FANCC: variants seen among roughly 807,000 people sequenced by gnomAD.
FANCC encodes the protein Fanconi anemia group C protein.
A neutral mutation model predicts 71.3 loss-of-function variants in FANCC; 55 were observed. The ratio of observed to expected loss-of-function variants is 0.77; its 90% CI spans 0.62 to 0.97. The LOEUF (loss-of-function observed/expected upper bound fraction) is 0.97, where lower values mean the gene tolerates loss of function less well. Among genes scored for constraint, FANCC ranks in the 50% least tolerant of loss-of-function variants. FANCC has a pLI of 0.00. For missense variants in FANCC, 678 were observed against 670.9 expected, an observed-to-expected ratio of 1.01 and a Z score of -0.12; for synonymous variants, 275 against 244.9, an observed-to-expected ratio of 1.12 and a Z score of -1.15.
chr9:95,112,389 C>A (rs1690434541), intron 12 of FANCC, among the ~76,000 whole-genome samples: 1 of 152,162 alleles, frequency 6.6e-6, no homozygotes, highest in South Asian at 2.1e-4. Context: ...CCTGCATGTT[C>A]CTCTGCCTGG....
chr9:95,110,919 GACCAA>G, intron 13 of FANCC: 1 of 1,317,718 alleles, frequency 7.6e-7, no homozygotes. Context: ...TTTAGGAAAT[GACCAA>G]CTTCTTTTTC....
chr9:95,171,815 A>G (rs957243944), intron 5 of FANCC, among the ~76,000 whole-genome samples: 1 of 152,202 alleles, frequency 6.6e-6, no homozygotes, highest in Non-Finnish European at 1.5e-5. Context: ...AGAGAGGCTG[A>G]TTGGTTGGTT....
intron 1 of FANCC, among the ~76,000 whole-genome samples, chr9:95,253,523 C>G (rs1296973437): frequency 6.6e-6 from 1 of 152,208 alleles, no homozygotes. Flanking sequence ...GTTGAATGTT[C>G]TGCTCCTCTA....
intron 1 of FANCC, among the ~76,000 whole-genome samples, chr9:95,278,412 AAAC>A (rs1266504355): frequency 1.1e-4 from 16 of 152,214 alleles, no homozygotes; most frequent in Non-Finnish European, 1.5e-5. Context: ...ACTACTGATA[AAAC>A]AACTAGAAAA....
chr9:95,251,865 T>C (rs1037469385), intron 1 of FANCC, among the ~76,000 whole-genome samples: 8 of 152,180 alleles, frequency 5.3e-5, no homozygotes, highest in Non-Finnish European at 8.8e-5. Context: ...AGAGATTACA[T>C]AATTGCCCAA....
intron 8 of FANCC, among the ~76,000 whole-genome samples, chr9:95,129,206 C>T (rs189230225): frequency 1.3e-5 from 2 of 152,242 alleles, no homozygotes; most frequent in Admixed American, 1.3e-4. Flanking sequence ...TCATCTGCAC[C>T]CCTCACCGAT....
At chr9:95,297,979 CA>C (rs1348982726) in intron 1 of FANCC, among the ~76,000 whole-genome samples, 5 of 152,144 alleles carry the variant, frequency 3.3e-5, no homozygotes, top group Non-Finnish European at 7.3e-5. Context: ...ATTCTAAGAG[CA>C]AAGGTAAGTC....
intron 4 of FANCC, among the ~76,000 whole-genome samples, chr9:95,224,744 G>A (rs1829509835): frequency 6.6e-6 from 1 of 152,160 alleles, no homozygotes; most frequent in Non-Finnish European, 1.5e-5. Flanking sequence ...ATGAGGGTAA[G>A]TAATTTGTAA....
chr9:95,277,382 C>T (rs1833105742), intron 1 of FANCC, among the ~76,000 whole-genome samples: 1 of 152,032 alleles, frequency 6.6e-6, no homozygotes, highest in African/African-American at 2.4e-5. Flanking sequence ...GTTCTCACCA[C>T]AAAGAAACAA....
intron 6 of FANCC, among the ~76,000 whole-genome samples, chr9:95,151,305 G>A (rs957524620): frequency 2.6e-5 from 4 of 152,078 alleles, no homozygotes; most frequent in African/African-American, 9.7e-5. Flanking sequence ...CACACAGCAC[G>A]TGCTCAACAA....
chr9:95,293,536 TAGGGA>T (rs1352333626), intron 1 of FANCC: 2 of 1,608,580 alleles, frequency 1.2e-6, no homozygotes, highest in Admixed American at 3.4e-5. Flanking sequence ...TTACAAGAAC[TAGGGA>T]ACACATGTCA....
intron 1 of FANCC, among the ~76,000 whole-genome samples, chr9:95,313,199 C>A (rs941436670): frequency 1.3e-5 from 2 of 152,146 alleles, no homozygotes; most frequent in Admixed American, 1.3e-4. Context: ...CGGGAGCCAG[C>A]GTTGGGGAAG....
intron 4 of FANCC, among the ~76,000 whole-genome samples, chr9:95,215,384 G>A (rs1828798871): frequency 1.3e-5 from 2 of 152,116 alleles, no homozygotes; most frequent in Admixed American, 1.3e-4. Context: ...TGGAGAGAGG[G>A]AGATAGGGAG....
At chr9:95,246,678 G>A (rs920835012) in intron 3 of FANCC, among the ~76,000 whole-genome samples, 1 of 152,144 alleles carries the variant, frequency 6.6e-6, no homozygotes, top group African/African-American at 2.4e-5. Flanking sequence ...GGGAGATGCT[G>A]GAGGCCATGG....
intron 10 of FANCC, among the ~76,000 whole-genome samples, chr9:95,118,315 G>C (rs777900994): frequency 1.3e-5 from 2 of 152,242 alleles, no homozygotes; most frequent in Non-Finnish European, 2.9e-5. Context: ...CACTGAGCCT[G>C]GCTCAGCATG....
intron 1 of FANCC, among the ~76,000 whole-genome samples, chr9:95,274,042 T>C (rs546428853): frequency 2.3e-4 from 35 of 152,238 alleles, no homozygotes; most frequent in Non-Finnish European, 4.1e-4. Flanking sequence ...TTTTTTATTA[T>C]ACTTTAAGTT....
At chr9:95,210,264 T>C (rs190351417) in intron 4 of FANCC, among the ~76,000 whole-genome samples, 2 of 152,292 alleles carry the variant, frequency 1.3e-5, no homozygotes, top group Admixed American at 1.3e-4. Flanking sequence ...GGGACAGTTA[T>C]GTGGATGATA....
chr9:95,131,141 G>A (rs1004218823), intron 8 of FANCC, among the ~76,000 whole-genome samples: 3 of 152,178 alleles, frequency 2.0e-5, no homozygotes, highest in African/African-American at 7.2e-5. Flanking sequence ...TTTAATTAGT[G>A]ATAAATCTGT....
At position 95,101,394 on chromosome 9, in the gene FANCC, A is replaced by G. The variant is rs930451402; in HGVS notation, c.*313T>C. 1.4e-5 allele frequency: 6 copies of G among 440,398 alleles called. No homozygotes were observed. Among genetic ancestry groups the G allele is most frequent in the African/African-American group, 7.7e-5 (4 of 51,816 alleles). The allele number at this position is 440,398 out of a possible 1,614,324, so 27.3% of individuals were successfully genotyped here. A position where few individuals can be genotyped will look rare whatever the true frequency, so the allele number is the denominator to read the frequency against. ...GTGCAGCTTGACTTGGGTAAAAACT[A>G]GAAACCTGTTCTCCCACCCAGGCCT... On this transcript the variant is annotated 3_prime_UTR_variant, in exon 15 of 15. Coordinates refer to ENST00000289081, the MANE Select transcript of FANCC (RefSeq NM_000136.3).
Sources: gnomAD v4.1 joint callset for allele counts (sites outside exome capture counted in the v4.1 genomes callset) on GRCh38, gnomAD v4.1.1 for gene constraint, MANE v1.5 for transcripts, NCBI Gene and HGNC (gene_info 2026-07-23, HGNC 2026-07-21) for gene names.